KCNT2: variants seen among roughly 807,000 people sequenced by gnomAD.
KCNT2 encodes potassium sodium-activated channel subfamily T member 2, also known as potassium channel subfamily T member 2.
KCNT2 carries 67 observed loss-of-function variants against 153.8 expected under a neutral mutation model. The ratio of observed to expected loss-of-function variants is 0.44; its 90% confidence interval spans 0.36 to 0.53. The LOEUF is 0.53. KCNT2 is among the 20% of genes least tolerant of loss of function. KCNT2 has a pLI of 0.00. For synonymous variants in KCNT2, 500 were observed against 458.8 expected, an observed-to-expected ratio of 1.09 and a Z score of -1.15; for missense variants, 975 against 1,354.8, an observed-to-expected ratio of 0.72 and a Z score of 4.40.
intron 20 of KCNT2, among the ~76,000 whole-genome samples, chr1:196,319,101 A>G (rs917405275): frequency 2.6e-5 from 4 of 151,800 alleles, no homozygotes; most frequent in Non-Finnish European, 5.9e-5. Flanking sequence ...AGTTAAAATG[A>G]GCATTTCTAA....
chr1:196,584,152 T>C (rs1215251213), intron 1 of KCNT2, among the ~76,000 whole-genome samples: 1 of 15,696 alleles, frequency 6.4e-5, no homozygotes, highest in Non-Finnish European at 2.3e-4. Flanking sequence ...ACAATGATAC[T>C]AGCATCTGGA....
intron 13 of KCNT2, 46 bp downstream of exon 13, chr1:196,398,517 G>A (rs1671142285): frequency 1.0e-6 from 1 of 1,001,470 alleles, no homozygotes; most frequent in Admixed American, 1.8e-5. Flanking sequence ...AGCCACTATA[G>A]GAGTTTCAGG....
At chr1:196,306,312 C>T (rs934003216) in intron 21 of KCNT2, among the ~76,000 whole-genome samples, 12 of 152,102 alleles carry the variant, frequency 7.9e-5, no homozygotes, top group African/African-American at 2.9e-4. Context: ...AGAATATAAA[C>T]AGCCTGTTTG....
At chr1:196,354,168 C>G (rs533601616) in intron 14 of KCNT2, among the ~76,000 whole-genome samples, 1 of 151,628 alleles carries the variant, frequency 6.6e-6, no homozygotes, top group Non-Finnish European at 1.5e-5. Flanking sequence ...TAGAGGTAAA[C>G]TAAAGAAAAG....
rs550101890 is a variant in KCNT2, at chr1:196,448,868, A to G, written c.638+16425T>C. 3.1e-4 allele frequency among the ~76,000 whole-genome samples: 47 copies of G among 151,868 alleles called. No individual in the cohort carries two copies. In the South Asian group the frequency reaches 9.5e-3, roughly 31 times the overall value. On this transcript the variant is annotated intron_variant, in intron 8 of 27. Coordinates refer to ENST00000294725, the MANE Select transcript of KCNT2 (RefSeq NM_198503.5). ...GCTGTATATAAATATGCCTCTGTGA[A>G]AAATAAAACCTAAGAAGAACAATCA... is the stretch of plus-strand genomic sequence containing the variant.
intron 1 of KCNT2, among the ~76,000 whole-genome samples, chr1:196,524,116 G>A (rs1653859378): frequency 6.8e-6 from 1 of 147,718 alleles, no homozygotes; most frequent in African/African-American, 2.5e-5. Flanking sequence ...ATATGAAAAT[G>A]TTGTAATCCT....
chr1:196,458,715 G>T (rs927106269), intron 8 of KCNT2, among the ~76,000 whole-genome samples: 5 of 151,808 alleles, frequency 3.3e-5, no homozygotes, highest in African/African-American at 1.2e-4. Flanking sequence ...TGAATGAAAG[G>T]AAATATTGAG....
chr1:196,345,989 C>A (rs1666108657), intron 14 of KCNT2, among the ~76,000 whole-genome samples: 1 of 152,070 alleles, frequency 6.6e-6, no homozygotes, highest in East Asian at 1.9e-4. Context: ...AGATGTCAAA[C>A]AGACATAGTG....
At chr1:196,474,730 T>A (rs1678383042) in intron 5 of KCNT2, among the ~76,000 whole-genome samples, 1 of 152,236 alleles carries the variant, frequency 6.6e-6, no homozygotes, top group African/African-American at 2.4e-5. Flanking sequence ...AATAGAACTT[T>A]ATTTTGAAAG....
chr1:196,241,658 T>G (rs1309088110), intron 26 of KCNT2, among the ~76,000 whole-genome samples: 1 of 152,092 alleles, frequency 6.6e-6, no homozygotes, highest in Non-Finnish European at 1.5e-5. Context: ...ATATTCAGTG[T>G]ATTCAACATC....
In KCNT2 at chr1:196,479,195, C is replaced by A; in HGVS notation, c.368G>T (p.Gly123Val). The A allele has an allele frequency of 1.3e-6, 2 of 1,570,984 alleles. No homozygotes were observed. The highest frequency in any genetic ancestry group is 1.7e-6 in the Non-Finnish European group (2 of 1,145,006). ...LISLFETILL[G>V]YLSYKGNIWE... The stretch of plus-strand genomic sequence containing the variant: ...ATAACTTACCTTATAACTAAGATAA[C>A]CAAGTAATATTGTTTCAAACAGACT... Residue 123 changes from glycine to valine, a missense_variant, in exon 5 of 28, where the codon GGT (glycine) becomes GTT (valine). Gly to Val is a moderately radical substitution (Grantham distance 109). This residue lies in a region of KCNT2 where 140 missense variants were observed against 216.0 expected (regional missense o/e 0.65). Transcript: ENST00000294725.
chr1:196,375,835 A>C (rs1056090951), intron 13 of KCNT2, among the ~76,000 whole-genome samples: 1 of 151,860 alleles, frequency 6.6e-6, no homozygotes, highest in African/African-American at 2.4e-5. Context: ...CCTTTGTTAG[A>C]ACAAATGTAA....
In KCNT2 at chr1:196,331,156, C is replaced by G. The variant is rs1363491636; in HGVS notation, c.2103G>C (p.Lys701Asn). Reference protein sequence around the residue: ...KVPFCCLRLDKSCQHNYYEDA... With the variant: ...KVPFCCLRLDNSCQHNYYEDA... Reference sequence around the variant, plus strand: ...CAAAAAAGCATCAACAAGTACTTACCTTGTCTAATCTTAAGCAGCAAAATG... The same window carrying G: ...CAAAAAAGCATCAACAAGTACTTACGTTGTCTAATCTTAAGCAGCAAAATG... The change falls in exon 18 of 28, where the codon AAG (lysine) becomes AAC (asparagine). Residue 701 changes from lysine (K) to asparagine (N), a missense_variant and splice_region_variant. Lys to Asn is a moderately conservative substitution (Grantham distance 94). Transcript: ENST00000294725. The G allele has an allele frequency of 6.5e-7, 1 of 1,544,342 alleles. No homozygotes were observed. Among genetic ancestry groups the G allele is most frequent in the African/African-American group, 1.4e-5 (1 of 73,346 alleles).
chr1:196,463,938 A>T (rs1212804910), intron 8 of KCNT2, among the ~76,000 whole-genome samples: 1 of 151,868 alleles, frequency 6.6e-6, no homozygotes, highest in African/African-American at 2.4e-5. Flanking sequence ...TTTTTCTCAC[A>T]CTAACATCTC....
Position 196,494,732 on chromosome 1 carries a change from C to T in KCNT2, c.96-2391G>A, listed in dbSNP as rs145117122. Among the ~76,000 whole-genome samples, 266 of 152,082 alleles carry T rather than the reference C, an allele frequency of 1.7e-3. 2 individuals carry two copies. Among genetic ancestry groups the T allele is most frequent in the African/African-American group, 4.8e-3 (199 of 41,494 alleles). ...ACATACCACATATGGAAAAGGTAGG[C>T]GAAACTAGAAAGAATTCGTAATTAT... On this transcript the variant is annotated intron_variant, in intron 1 of 27. Transcript: ENST00000294725.
At chr1:196,249,146 A>G (rs1212799198) in intron 26 of KCNT2, among the ~76,000 whole-genome samples, 1 of 152,162 alleles carries the variant, frequency 6.6e-6, no homozygotes, top group Non-Finnish European at 1.5e-5. Flanking sequence ...TATAGGAGGA[A>G]CAAACCTCAA....
At chr1:196,557,277 C>T (rs1558074989) in intron 1 of KCNT2, among the ~76,000 whole-genome samples, 4 of 151,040 alleles carry the variant, frequency 2.6e-5, no homozygotes, top group African/African-American at 4.8e-5. Flanking sequence ...ACCATGTACC[C>T]GCAAAAGTTA....
At chr1:196,440,662 G>T (rs537687458) in intron 8 of KCNT2, among the ~76,000 whole-genome samples, 1 of 151,792 alleles carries the variant, frequency 6.6e-6, no homozygotes, top group Admixed American at 6.6e-5. Flanking sequence ...TGGAGTAACT[G>T]TTCCATAAAG....
At chr1:196,594,430 T>C (rs1004034043) in intron 1 of KCNT2, among the ~76,000 whole-genome samples, 2 of 152,120 alleles carry the variant, frequency 1.3e-5, no homozygotes, top group African/African-American at 4.8e-5. Context: ...CACATATATA[T>C]GTGGTGGCCT....
Sources: gnomAD v4.1 joint callset for allele counts (sites outside exome capture counted in the v4.1 genomes callset) on GRCh38, gnomAD v4.1.1 for gene constraint, gnomAD v4.1.1 regional missense constraint, MANE v1.5 for transcripts, NCBI Gene and HGNC (gene_info 2026-07-23, HGNC 2026-07-21) for gene names.